Variants in DMGDH observed in about 807,000 individuals in gnomAD.
DMGDH encodes dimethylglycine dehydrogenase, mitochondrial.
DMGDH carries 76 observed loss-of-function variants against 95.2 expected under a neutral mutation model. That is an observed-to-expected ratio of 0.80 (90% confidence interval 0.66 to 0.97). DMGDH has a LOEUF of 0.97. Ranked by LOEUF, DMGDH falls within the 50% of genes least tolerant of loss-of-function variation. DMGDH has a pLI of 0.00. For synonymous variants in DMGDH, 345 were observed against 377.6 expected, an observed-to-expected ratio of 0.91 and a Z score of 1.00; for missense variants, 987 against 1,055.0, an observed-to-expected ratio of 0.94 and a Z score of 0.89.
At position 79,063,776 on chromosome 5, in the gene DMGDH, G is replaced by C. The variant is rs758505340; in HGVS notation, c.113C>G (p.Pro38Arg). Residue 38 changes from proline to arginine, a missense_variant, in exon 2 of 16, where the codon CCA (proline) becomes CGA (arginine). By Grantham distance (103) the Pro-to-Arg change is moderately radical. Coordinates refer to ENST00000255189, the MANE Select transcript of DMGDH (RefSeq NM_013391.3). Reference sequence around the variant, plus strand: ...CCATTGTGTTTCTGCAGATAAGGGTGGTTTTTCCTCTCTGGAAGAGGGAAA... The same window carrying C: ...CCATTGTGTTTCTGCAGATAAGGGTCGTTTTTCCTCTCTGGAAGAGGGAAA... ...SVCGREGEEK[P>R]PLSAETQWKD... is the part of the protein sequence containing the mutation. 1.2e-6 allele frequency: 2 copies of C among 1,613,974 alleles called. No individual in the cohort carries two copies. The highest frequency in any genetic ancestry group is 2.7e-5 in the African/African-American group (2 of 74,882).
Position 79,069,564 on chromosome 5 carries a change from CAG to C in DMGDH, c.55_56del (p.Leu19AlafsTer92). ...LRGLLLRSCP[L>X]QGSPGRPRSV... ...AGCGCGGGCGCCCGGGGGAGCCCTG[CAG>C]CGGGCAGCTCCGCAGCAGGAGGCCC... is the stretch of plus-strand genomic sequence containing the variant. On this transcript the variant is annotated frameshift_variant, in exon 1 of 16. Transcript: ENST00000255189. LOFTEE classifies it high-confidence loss of function. 1 of 1,342,458 alleles carries C rather than the reference CAG, an allele frequency of 7.4e-7. No individual in the cohort carries two copies. Among genetic ancestry groups the C allele is most frequent in the Non-Finnish European group, 9.5e-7 (1 of 1,047,804 alleles). 83.2% of individuals were successfully genotyped at this position (1,342,458 alleles called of 1,614,324 possible).
chr5:79,068,891 A>G (rs2112685951), intron 1 of DMGDH, among the ~76,000 whole-genome samples: 1 of 152,332 alleles, frequency 6.6e-6, no homozygotes, highest in South Asian at 2.1e-4. Flanking sequence ...GCCGCATGCA[A>G]ACTCTTGCCA....
intron 14 of DMGDH, among the ~76,000 whole-genome samples, chr5:79,016,993 C>A (rs563809707): frequency 5.3e-5 from 8 of 152,118 alleles, no homozygotes; most frequent in African/African-American, 1.9e-4. Context: ...TATCCAAGTA[C>A]AAATAAATAA....
chr5:79,034,511 T>G (rs1049407843), intron 7 of DMGDH, among the ~76,000 whole-genome samples: 10 of 152,182 alleles, frequency 6.6e-5, no homozygotes, highest in African/African-American at 2.4e-4. Context: ...TGTGGGTTTA[T>G]GTGTGGTTTA....
Position 79,032,797 on chromosome 5 carries a change from T to C in DMGDH, c.1407A>G (p.Gln469=), listed in dbSNP as rs769394355. ...GCCTTTGATAGAGCCCACTGACTCGTTGAGTCGGCCTCCCAGCAAACCGTT... is the reference window on the plus strand; with the variant it reads ...GCCTTTGATAGAGCCCACTGACTCGCTGAGTCGGCCTCCCAGCAAACCGTT... ...KEERFAGRPT[Q]RVSGLYQRLE... Residue 469 remains glutamine (Q), a synonymous_variant, in exon 9 of 16, where the codon CAA becomes CAG. Transcript: ENST00000255189. 1.1e-5 allele frequency: 17 copies of C among 1,614,084 alleles called. No individual in the cohort carries two copies. In the East Asian group the frequency reaches 1.8e-4, roughly 17 times the overall value.
chr5:79,060,440 G>A (rs1455458179), intron 2 of DMGDH, among the ~76,000 whole-genome samples: 1 of 152,180 alleles, frequency 6.6e-6, no homozygotes, highest in African/African-American at 2.4e-5. Context: ...CCATTTAGAA[G>A]ATTCACTTTG....
At chr5:79,001,349 G>A (rs1371355204) in intron 15 of DMGDH, among the ~76,000 whole-genome samples, 2 of 152,170 alleles carry the variant, frequency 1.3e-5, no homozygotes, top group Non-Finnish European at 1.5e-5. Flanking sequence ...TTTTAGTAGA[G>A]ACGGGGTTTC....
chr5:79,004,721 C>G (rs1463898184), intron 15 of DMGDH, among the ~76,000 whole-genome samples: 5 of 152,178 alleles, frequency 3.3e-5, no homozygotes, highest in Admixed American at 2.0e-4. Context: ...TTACTGAACA[C>G]AAATAGAAAG....
chr5:79,065,374 G>A (rs187619969), intron 1 of DMGDH, among the ~76,000 whole-genome samples: 1 of 151,872 alleles, frequency 6.6e-6, no homozygotes, highest in Non-Finnish European at 1.5e-5. Context: ...ACCACGCCCA[G>A]CTAATTTTTG....
chr5:79,062,645 T>A (rs773325528), intron 2 of DMGDH, among the ~76,000 whole-genome samples: 2 of 152,092 alleles, frequency 1.3e-5, no homozygotes, highest in African/African-American at 4.8e-5. Context: ...GTAAGCCTAG[T>A]CAATTATGGC....
intron 1 of DMGDH, among the ~76,000 whole-genome samples, chr5:79,066,666 T>C (rs972012976): frequency 1.6e-4 from 25 of 152,146 alleles, no homozygotes; most frequent in African/African-American, 6.0e-4. Context: ...ATGAGACTTA[T>C]GTTATGCATT....
rs1254367547 is a variant in DMGDH at position 79,029,977 on chromosome 5, G to C, written c.1741C>G (p.Leu581Val). The C allele has an allele frequency of 6.2e-7, 1 of 1,613,974 alleles. No homozygotes were observed. The highest frequency in any genetic ancestry group is 8.5e-7 in the Non-Finnish European group (1 of 1,179,874). Residue 581 changes from leucine to valine, a missense_variant, in exon 11 of 16, where the codon CTG (leucine) becomes GTG (valine). Coordinates refer to ENST00000255189, the MANE Select transcript of DMGDH (RefSeq NM_013391.3). ...LTPKGRVYAE[L>V]TVSHQSPGEF... ...CCAGGAGATTGGTGAGAAACAGTCA[G>C]CTCAGCATACACTCGACCCTTGGGT...
rs1434337688 is a variant in DMGDH, at chr5:79,063,763, T to C, written c.126A>G (p.Ala42=). 1.9e-6 allele frequency: 3 copies of C among 1,614,208 alleles called. No homozygotes were observed. The highest frequency in any genetic ancestry group is 1.1e-5 in the South Asian group (1 of 91,084). The change falls in exon 2 of 16, where the codon GCA becomes GCG. Residue 42 remains alanine (A), a synonymous_variant. Transcript: ENST00000255189. ...REGEEKPPLS[A]ETQWKDRAET... ...CTGCTCTGTCTTTCCATTGTGTTTC[T>C]GCAGATAAGGGTGGTTTTTCCTCTC...
rs776176163 is a variant in DMGDH at position 78,998,200 on chromosome 5, T to G, written c.2483A>C (p.Gln828Pro). 1 of 1,614,104 alleles carries G rather than the reference T, an allele frequency of 6.2e-7. No homozygotes were observed. The change falls in exon 16 of 16, where the codon CAA becomes CCA. Residue 828 changes from glutamine to proline, a missense_variant. Physicochemically the swap from Gln to Pro is moderately conservative, Grantham distance 76 (BLOSUM62 -1). Coordinates refer to ENST00000255189, the MANE Select transcript of DMGDH (RefSeq NM_013391.3). ...TTTGCCTAATAGTTCAACTTCCACT[T>G]GCTGTCCCACTTCACTTAGTTGTAC... is the stretch of plus-strand genomic sequence containing the variant. The part of the protein sequence containing the change: ...VPVQLSEVGQ[Q>P]VEVELLGKNY...
At chr5:79,061,083 C>T (rs371379295) in intron 2 of DMGDH, among the ~76,000 whole-genome samples, 21 of 151,780 alleles carry the variant, frequency 1.4e-4, no homozygotes, top group African/African-American at 4.6e-4. Context: ...ATTAGCAAGG[C>T]GTGGTCGTGC....
chr5:79,026,284 C>G, intron 13 of DMGDH, 140 bp downstream of exon 13: 2 of 1,054,630 alleles, frequency 1.9e-6, no homozygotes, highest in South Asian at 2.9e-5. Context: ...AAAACCTCTT[C>G]CCCTAATGAA....
intron 1 of DMGDH, 85 bp from the exon 2 acceptor site, chr5:79,063,872 C>A: frequency 7.4e-7 from 1 of 1,343,886 alleles, no homozygotes; most frequent in Non-Finnish European, 1.1e-6. Context: ...TTACCCGTTT[C>A]TCTAGTACTT....
chr5:79,051,950 A>G (rs1261061533), intron 4 of DMGDH, among the ~76,000 whole-genome samples: 1 of 152,264 alleles, frequency 6.6e-6, no homozygotes, highest in Non-Finnish European at 1.5e-5. Flanking sequence ...GGATACGTTG[A>G]TAGAATGATC....
chr5:79,026,492 C>T lies in DMGDH; in HGVS notation c.2122G>A (p.Asp708Asn), dbSNP rs745629468. Residue 708 changes from aspartate to asparagine, a missense_variant, in exon 13 of 16, where the codon GAC becomes AAC. Coordinates refer to ENST00000255189, the MANE Select transcript of DMGDH (RefSeq NM_013391.3). ...IMNAGQEEGI[D>N]NFGTYAMNAL... ...TTCATGGCATAGGTTCCAAAATTGTCGATTCCCTCCTCCTGGCCTGCATTC... is the reference window on the plus strand; with the variant it reads ...TTCATGGCATAGGTTCCAAAATTGTTGATTCCCTCCTCCTGGCCTGCATTC... 3.1e-6 allele frequency: 5 copies of T among 1,614,140 alleles called. No homozygotes were observed. Among genetic ancestry groups the T allele is most frequent in the Non-Finnish European group, 2.5e-6 (3 of 1,180,016 alleles).
Sources: gnomAD v4.1 joint callset for allele counts (sites outside exome capture counted in the v4.1 genomes callset) on GRCh38, gnomAD v4.1.1 for gene constraint, MANE v1.5 for transcripts, NCBI Gene and HGNC (gene_info 2026-07-23, HGNC 2026-07-21) for gene names.